Variants in LINGO2 observed in about 807,000 individuals in gnomAD.
LINGO2 encodes leucine-rich repeat and immunoglobulin-like domain-containing nogo receptor-interacting protein 2.
Under a neutral mutation model 30.6 loss-of-function variants are expected in LINGO2, and 14 were observed. That is an observed-to-expected ratio of 0.46 (90% CI 0.30 to 0.72). The LOEUF is 0.72. LINGO2 is among the 30% of genes least tolerant of loss of function. LINGO2 has a pLI of 0.07. For missense variants in LINGO2, 729 were observed against 751.7 expected (o/e 0.97, Z 0.35); for synonymous variants, 317 against 288.5 (o/e 1.10, Z -1.00).
chr9:28,954,400 TTATTCA>T, the LINGO2 span, among the ~76,000 whole-genome samples: 1 of 152,192 alleles, frequency 6.6e-6, no homozygotes, highest in African/African-American at 2.4e-5. Context: ...AAGATGGTGT[TTATTCA>T]AAGAACAAGT....
At chr9:28,805,916 A>T in the LINGO2 span, among the ~76,000 whole-genome samples, 1 of 152,140 alleles carries the variant, frequency 6.6e-6, no homozygotes, top group African/African-American at 2.4e-5. Context: ...TTCTCATATT[A>T]TTCTATTTTT....
At chr9:29,065,408 A>T in the LINGO2 span, among the ~76,000 whole-genome samples, 1 of 152,090 alleles carries the variant, frequency 6.6e-6, no homozygotes, top group African/African-American at 2.4e-5. Context: ...TATAGGTTTT[A>T]CATTTAAGTC....
chr9:28,031,377 T>A (rs1823662455), intron 4 of LINGO2, among the ~76,000 whole-genome samples: 1 of 152,052 alleles, frequency 6.6e-6, no homozygotes, highest in African/African-American at 2.4e-5. Flanking sequence ...TTACAATTTT[T>A]AAAAAATTTA....
chr9:28,016,679 C>T (rs1180460830), intron 4 of LINGO2, among the ~76,000 whole-genome samples: 2 of 69,608 alleles, frequency 2.9e-5, no homozygotes, highest in Non-Finnish European at 5.5e-5. Flanking sequence ...CAAATTAAAC[C>T]AGTAAAAAAA....
chr9:29,061,827 G>T, the LINGO2 span, among the ~76,000 whole-genome samples: 11 of 151,854 alleles, frequency 7.2e-5, no homozygotes, highest in South Asian at 2.1e-3. Context: ...CAGATAAACT[G>T]GACTTAATCA....
At chr9:28,350,794 ACTAT>A (rs1819840743) in intron 3 of LINGO2, among the ~76,000 whole-genome samples, 1 of 151,236 alleles carries the variant, frequency 6.6e-6, no homozygotes, top group Non-Finnish European at 1.5e-5. Context: ...ATTATAACAA[ACTAT>A]CTCTCAGACC....
chr9:28,893,940 C>G, the LINGO2 span, among the ~76,000 whole-genome samples: 1 of 151,476 alleles, frequency 6.6e-6, no homozygotes, highest in African/African-American at 2.4e-5. Context: ...TGTGATGTTC[C>G]CCTTCCTGTG....
chr9:29,080,218 T>C, the LINGO2 span, among the ~76,000 whole-genome samples: 1 of 152,186 alleles, frequency 6.6e-6, no homozygotes. Flanking sequence ...CTAGATTATC[T>C]AGTTTATTTG....
At chr9:27,967,234 A>G (rs183616200) in intron 5 of LINGO2, among the ~76,000 whole-genome samples, 1 of 152,204 alleles carries the variant, frequency 6.6e-6, no homozygotes, top group Non-Finnish European at 1.5e-5. Flanking sequence ...GAAGTTTATT[A>G]GTTCTGCTCT....
the LINGO2 span, among the ~76,000 whole-genome samples, chr9:29,156,797 T>C: frequency 6.6e-6 from 1 of 151,930 alleles, no homozygotes; most frequent in Non-Finnish European, 1.5e-5. Context: ...TTCTTACACT[T>C]CCCAAATTAT....
chr9:28,140,449 C>G (rs926665876), intron 4 of LINGO2, among the ~76,000 whole-genome samples: 1 of 152,150 alleles, frequency 6.6e-6, no homozygotes, highest in Non-Finnish European at 1.5e-5. Context: ...TACTTCTTAT[C>G]ACTTATTTCT....
chr9:28,037,343 C>A (rs1823986984), intron 4 of LINGO2, among the ~76,000 whole-genome samples: 3 of 152,208 alleles, frequency 2.0e-5, no homozygotes, highest in African/African-American at 7.2e-5. Context: ...CTTTATACTC[C>A]AGTAAGACTA....
chr9:28,388,348 CTA>C (rs1213634007), intron 2 of LINGO2, among the ~76,000 whole-genome samples: 1 of 152,136 alleles, frequency 6.6e-6, no homozygotes, highest in East Asian at 1.9e-4. Flanking sequence ...CACTATTTTG[CTA>C]TTGTAAACAT....
At chr9:28,347,720 G>A (rs1564138951) in intron 3 of LINGO2, among the ~76,000 whole-genome samples, 1 of 152,142 alleles carries the variant, frequency 6.6e-6, no homozygotes, top group East Asian at 1.9e-4. Context: ...GAATTTCTAG[G>A]GTATTACCCA....
chr9:28,286,770 G>T (rs948017136), intron 4 of LINGO2, among the ~76,000 whole-genome samples: 2 of 152,058 alleles, frequency 1.3e-5, no homozygotes, highest in East Asian at 1.9e-4. Flanking sequence ...GAGAACAAAT[G>T]GTCACATAGA....
chr9:29,131,059 C>T, the LINGO2 span, among the ~76,000 whole-genome samples: 1 of 152,130 alleles, frequency 6.6e-6, no homozygotes, highest in Non-Finnish European at 1.5e-5. Flanking sequence ...TTACTGTAAC[C>T]TGGATAATAG....
chr9:29,131,016 C>G, the LINGO2 span, among the ~76,000 whole-genome samples: 1 of 152,156 alleles, frequency 6.6e-6, no homozygotes. Context: ...AAGTTAATGC[C>G]TACCAACTTT....
intron 5 of LINGO2, among the ~76,000 whole-genome samples, chr9:27,977,399 G>A (rs757482059): frequency 1.3e-5 from 2 of 151,890 alleles, no homozygotes; most frequent in Non-Finnish European, 2.9e-5. Context: ...ACTAAAGAGT[G>A]TGTGTCGGGG....
chr9:28,686,238 GTGTAATATAATGCAAATGCTTGACCAGA>G, the LINGO2 span, among the ~76,000 whole-genome samples: 1 of 151,994 alleles, frequency 6.6e-6, no homozygotes, highest in Admixed American at 6.6e-5. Context: ...TTTGTGCTAA[GTGTAATATAATGCAAATGCTTGACCAGA>G]TGATTTTGTA....
Sources: allele counts gnomAD v4.1 joint callset (sites outside exome capture counted in the v4.1 genomes callset), GRCh38; gene constraint gnomAD v4.1.1; transcripts MANE v1.5; gene names NCBI Gene and HGNC (gene_info 2026-07-23, HGNC 2026-07-21).